The following KLF13 variants were observed in gnomAD, a reference collection of about 807,000 sequenced individuals.
The protein encoded by KLF13 is Krueppel-like factor 13.
KLF13 carries 8 observed loss-of-function variants against 16.7 expected under a neutral mutation model. The observed-to-expected ratio is 0.48, with a 90% CI of 0.28 to 0.87. The LOEUF (loss-of-function observed/expected upper bound fraction) is 0.87, where lower values mean the gene tolerates loss of function less well. Among genes scored for constraint, KLF13 ranks in the 40% least tolerant of loss-of-function variants. KLF13 has a pLI of 0.10. For missense variants in KLF13, 447 were observed against 452.2 expected (o/e 0.99, Z 0.10); for synonymous variants, 245 against 208.4 (o/e 1.18, Z -1.51).
chr15:31,334,841 G>A (rs1428066461), intron 1 of KLF13, among the ~76,000 whole-genome samples: 1 of 152,226 alleles, frequency 6.6e-6, no homozygotes, highest in Non-Finnish European at 1.5e-5. Flanking sequence ...CCACTGTGCT[G>A]TGTGGCTGAG....
At position 31,433,918 on chromosome 15, in the gene KLF13, G is replaced by A. The variant is rs548184086; in HGVS notation, n.118-1452G>A. ...CTAGCTCAGGGTCTTATCTGCCCTC[G>A]CCATGTGAAGAATCTTCTGGCCCCA... On this transcript the variant is annotated intron_variant and non_coding_transcript_variant, in intron 1 of 1. Transcript: ENST00000558225. 5.3e-5 allele frequency among the ~76,000 whole-genome samples: 8 copies of A among 152,300 alleles called. No individual in the cohort carries two copies. In the South Asian group the frequency reaches 1.0e-3, roughly 20 times the overall value.
intron 1 of KLF13, among the ~76,000 whole-genome samples, chr15:31,348,883 C>G (rs776174415): frequency 7.2e-5 from 11 of 152,182 alleles, no homozygotes; most frequent in Non-Finnish European, 1.6e-4. Flanking sequence ...GGTTCGTAGA[C>G]AGCTGTCTTC....
chr15:31,431,375 C>G (rs2141016051), intron 1 of KLF13, among the ~76,000 whole-genome samples: 1 of 152,322 alleles, frequency 6.6e-6, no homozygotes, highest in East Asian at 1.9e-4. Flanking sequence ...ACAGAAATGT[C>G]CACCAACAGT....
At chr15:31,408,443 A>G (rs1226620288), downstream of KLF13, among the ~76,000 whole-genome samples, 1 of 152,186 alleles carries the variant, frequency 6.6e-6, no homozygotes, top group Non-Finnish European at 1.5e-5. Flanking sequence ...TCCTTATGAG[A>G]AAGGGAAGTT....
chr15:31,416,355 G>A (rs1457264621), intron 1 of KLF13, among the ~76,000 whole-genome samples: 1 of 152,018 alleles, frequency 6.6e-6, no homozygotes. Flanking sequence ...GAAAACTACA[G>A]AGCAATATCT....
At chr15:31,353,549 A>G (rs1566813516) in intron 1 of KLF13, among the ~76,000 whole-genome samples, 1 of 152,232 alleles carries the variant, frequency 6.6e-6, no homozygotes, top group Admixed American at 6.5e-5. Context: ...CTATAAAACC[A>G]CTTCGGGGCT....
At chr15:31,358,952 G>A (rs1169865852) in intron 1 of KLF13, among the ~76,000 whole-genome samples, 4 of 152,342 alleles carry the variant, frequency 2.6e-5, no homozygotes, top group Admixed American at 6.5e-5. Flanking sequence ...CTGGACATGC[G>A]TCACCCTACC....
At chr15:31,401,003 A>C (rs2040028511) in intron 2 of KLF13, among the ~76,000 whole-genome samples, 1 of 144,400 alleles carries the variant, frequency 6.9e-6, no homozygotes, top group Non-Finnish European at 1.5e-5. Context: ...ATAGATAAAT[A>C]AACAATTTTT....
intron 1 of KLF13, 134 bp from the exon 2 acceptor site, chr15:31,371,876 A>C: frequency 9.7e-7 from 1 of 1,025,854 alleles, no homozygotes; most frequent in Non-Finnish European, 1.4e-6. Context: ...GATTTGTCAC[A>C]GAAGCTCTTG....
chr15:31,392,217 A>G (rs541974413), upstream of KLF13, among the ~76,000 whole-genome samples: 1 of 152,304 alleles, frequency 6.6e-6, no homozygotes, highest in Non-Finnish European at 1.5e-5. Flanking sequence ...TGACACAAGG[A>G]TGATGCTGTG....
intron 1 of KLF13, among the ~76,000 whole-genome samples, chr15:31,371,391 T>G (rs891920889): frequency 2.0e-5 from 3 of 152,266 alleles, no homozygotes; most frequent in Non-Finnish European, 4.4e-5. Flanking sequence ...TGTTTCATTC[T>G]CCTGCTCTGC....
chr15:31,415,814 A>G (rs1202100415), intron 1 of KLF13, among the ~76,000 whole-genome samples: 2 of 152,092 alleles, frequency 1.3e-5, no homozygotes, highest in Non-Finnish European at 2.9e-5. Context: ...ATAAAAAACA[A>G]TAGATGGACA....
At chr15:31,404,648 G>C (rs1216584915) in exon 3 of KLF13, 1 of 152,258 alleles carries the variant, frequency 6.6e-6, no homozygotes, top group East Asian at 1.9e-4. Context: ...CCTCCAGTCA[G>C]CAGCAGGCAA....
At chr15:31,388,753 G>A (rs574196335), upstream of KLF13, among the ~76,000 whole-genome samples, 1 of 124,340 alleles carries the variant, frequency 8.0e-6, no homozygotes, top group African/African-American at 3.1e-5. Flanking sequence ...TACGAACAAG[G>A]TTAAAAAATC....
At position 31,338,794 on chromosome 15, in the gene KLF13, C is replaced by T. The variant is rs58740585; in HGVS notation, c.577+11005C>T. ...GGATGGGAACTGAGCTCCTTGGCTG[C>T]CAAGCTGAGGTTCAGTCTGGCCCCA... On this transcript the variant is annotated intron_variant, in intron 1 of 1. Coordinates refer to ENST00000307145, the MANE Select transcript of KLF13 (RefSeq NM_015995.4). Among the ~76,000 whole-genome samples, 1,120 of 152,214 alleles carry T rather than the reference C, an allele frequency of 7.4e-3. 20 individuals are homozygous for T. The highest frequency in any genetic ancestry group is 0.026 in the African/African-American group (1,065 of 41,516).
rs34864577 is a variant in KLF13, at chr15:31,362,240, G to A, written c.578-9770G>A. Among the ~76,000 whole-genome samples the A allele has an allele frequency of 2.7e-3, 406 of 152,298 alleles. 2 individuals carry two copies. Among genetic ancestry groups the A allele is most frequent in the South Asian group, 0.012 (58 of 4,832 alleles). ...ACCCATAGCCTTTTAGGTCTGACCC[G>A]TTCTAAACTGCTGGGCCTATCAAAC... On this transcript the variant is annotated intron_variant, in intron 1 of 1. Transcript: ENST00000307145.
At position 31,376,551 on chromosome 15, in the gene KLF13, C is replaced by G. The variant is rs576148920; in HGVS notation, c.*4252C>G. The G allele has an allele frequency of 2.6e-5, 4 of 152,726 alleles. No homozygotes were observed. The highest frequency in any genetic ancestry group is 2.1e-4 in the South Asian group (1 of 4,830). 9.5% of individuals were successfully genotyped at this position (152,726 alleles called of 1,614,324 possible). Reference sequence around the variant, plus strand: ...ATGGTTTTTGAAATCAGGATTACCCCAGGAAGAACCAGGTCCTATTACTAA... The same window carrying G: ...ATGGTTTTTGAAATCAGGATTACCCGAGGAAGAACCAGGTCCTATTACTAA... On this transcript the variant is annotated 3_prime_UTR_variant, in exon 2 of 2. Coordinates refer to ENST00000307145, the MANE Select transcript of KLF13 (RefSeq NM_015995.4).
At chr15:31,356,924 C>T (rs1566815068) in intron 1 of KLF13, among the ~76,000 whole-genome samples, 2 of 152,210 alleles carry the variant, frequency 1.3e-5, no homozygotes, top group Admixed American at 6.5e-5. Context: ...GGAAAACATT[C>T]TTGCCACTTT....
At position 31,383,896 on chromosome 15, in the gene KLF13, C is replaced by T. The variant is rs574330394; in HGVS notation, n.224-51474C>T. Among the ~76,000 whole-genome samples the T allele has an allele frequency of 1.0e-4, 15 of 150,256 alleles. No homozygotes were observed. In the South Asian group the frequency reaches 1.9e-3, roughly 19 times the overall value. The stretch of plus-strand genomic sequence containing the variant: ...CAGCCTGGGCAACAGAGCGAGACTC[C>T]GTCTCAAAAAATAAATAAATAAATA... On this transcript the variant is annotated intron_variant and non_coding_transcript_variant, in intron 1 of 1. Coordinates refer to the KLF13 transcript ENST00000558921.
Sources: gnomAD v4.1 joint callset for allele counts (sites outside exome capture counted in the v4.1 genomes callset) on GRCh38, gnomAD v4.1.1 for gene constraint, MANE v1.5 for transcripts, NCBI Gene and HGNC (gene_info 2026-07-23, HGNC 2026-07-21) for gene names.